Variants in RIN2 observed in about 807,000 individuals in gnomAD.
RIN2 encodes RAB5 interacting protein 2.
RIN2 carries 36 observed loss-of-function variants against 78.0 expected under a neutral mutation model. The observed-to-expected ratio is 0.46, with a 90% CI of 0.35 to 0.61. RIN2 has a LOEUF of 0.61. RIN2 is among the 20% of genes least tolerant of loss of function. The pLI is 0.00. For missense variants in RIN2, 1,087 were observed against 1,159.7 expected (o/e 0.94, Z 0.91); for synonymous variants, 466 against 466.8 (o/e 1.00, Z 0.02).
chr20:19,905,702 C>T (rs1484258203), intron 3 of RIN2, among the ~76,000 whole-genome samples: 5 of 152,176 alleles, frequency 3.3e-5, no homozygotes, highest in African/African-American at 1.2e-4. Context: ...CACTGCACTC[C>T]AGCCTGGACA....
intron 2 of RIN2, among the ~76,000 whole-genome samples, chr20:19,887,820 C>T (rs557384846): frequency 1.3e-5 from 2 of 152,194 alleles, no homozygotes; most frequent in Admixed American, 6.5e-5. Flanking sequence ...AATCCCCTGC[C>T]GAAGAAATGT....
chr20:19,974,966 C>T lies in RIN2; in HGVS notation c.941C>T (p.Pro314Leu). The T allele has an allele frequency of 6.2e-7, 1 of 1,613,232 alleles. No individual in the cohort carries two copies. The highest frequency in any genetic ancestry group is 8.5e-7 in the Non-Finnish European group (1 of 1,179,686). The change falls in exon 9 of 13, where the codon CCC becomes CTC. Residue 314 changes from proline (P) to leucine (L), a missense_variant. This residue lies in a region of RIN2 where 706 missense variants were observed against 667.5 expected (regional missense o/e 1.06). Coordinates refer to ENST00000255006, the MANE Select transcript of RIN2 (RefSeq NM_018993.4). ...TRSPPPRPPP[P>L]AINSLHTSPR... ...TCCCCCCCACCCAGGCCCCCGCCAC[C>T]CGCTATTAATAGTCTCCACACAAGC...
intron 1 of RIN2, among the ~76,000 whole-genome samples, chr20:19,796,629 T>A (rs1407222558): frequency 1.3e-5 from 2 of 152,204 alleles, no homozygotes; most frequent in Non-Finnish European, 2.9e-5. Context: ...GTCAATAGAT[T>A]CCTGTTCTCG....
At chr20:19,844,620 T>G (rs1363257942) in intron 2 of RIN2, among the ~76,000 whole-genome samples, 8 of 94,430 alleles carry the variant, frequency 8.5e-5, no homozygotes, top group African/African-American at 3.6e-4. Context: ...TTCTTCTTCT[T>G]CTTCTTCTTC....
intron 3 of RIN2, among the ~76,000 whole-genome samples, chr20:19,908,704 A>T (rs1250755323): frequency 1.3e-5 from 2 of 152,230 alleles, no homozygotes; most frequent in Admixed American, 6.5e-5. Flanking sequence ...AATCAAATTG[A>T]AGAGTCAGAA....
At chr20:19,965,067 T>A in intron 7 of RIN2, 43 bp downstream of exon 7, 1 of 1,502,214 alleles carries the variant, frequency 6.7e-7, no homozygotes, top group South Asian at 1.1e-5. Context: ...CCCTGTTTGG[T>A]GTGTGGGATA....
At chr20:19,929,455 G>A (rs539434134) in intron 3 of RIN2, among the ~76,000 whole-genome samples, 12 of 152,122 alleles carry the variant, frequency 7.9e-5, no homozygotes, top group Admixed American at 5.9e-4. Flanking sequence ...TCTGCCTCCC[G>A]GGTTCAAGCG....
intron 4 of RIN2, among the ~76,000 whole-genome samples, chr20:19,945,182 G>A (rs2041038102): frequency 2.6e-5 from 4 of 152,238 alleles, no homozygotes; most frequent in African/African-American, 9.6e-5. Flanking sequence ...AAGGGGCAGT[G>A]CTGAGGCTCT....
chr20:19,914,661 C>A (rs1362983820), intron 3 of RIN2, among the ~76,000 whole-genome samples: 1 of 152,182 alleles, frequency 6.6e-6, no homozygotes, highest in Non-Finnish European at 1.5e-5. Flanking sequence ...GGCTCTCACA[C>A]TCCAGTGGAA....
rs1157538436 is a variant in RIN2 at position 19,975,445 on chromosome 20, G to A, written c.1420G>A (p.Ala474Thr). The change falls in exon 9 of 13, where the codon GCG becomes ACG. Residue 474 changes from alanine (A) to threonine (T), a missense_variant. Around this residue, in one of 8 missense-constraint regions of RIN2, gnomAD observed 706 missense variants for 667.5 expected, o/e 1.06. Transcript: ENST00000255006. This position sits in a 1 kb window ranked among gnomAD's most constrained non-coding sequence, Gnocchi z 4.9. Reference protein sequence around the residue: ...YEGESDQETMAPPIKSKKKRS... With the variant: ...YEGESDQETMTPPIKSKKKRS... ...GGGGGAAAGTGACCAAGAGACCATG[G>A]CGCCCCCCATCAAGTCCAAAAAGAA... 6.2e-7 allele frequency: 1 copy of A among 1,614,052 alleles called. No individual in the cohort carries two copies. Among genetic ancestry groups the A allele is most frequent in the Non-Finnish European group, 8.5e-7 (1 of 1,179,892 alleles).
chr20:19,762,425 T>C (rs2033677110), intron 1 of RIN2, among the ~76,000 whole-genome samples: 1 of 152,238 alleles, frequency 6.6e-6, no homozygotes, highest in Non-Finnish European at 1.5e-5. Flanking sequence ...AACATTCATC[T>C]GCAGACATTT....
chr20:19,915,795 G>A (rs991266339), intron 3 of RIN2, among the ~76,000 whole-genome samples: 9 of 152,124 alleles, frequency 5.9e-5, no homozygotes, highest in African/African-American at 1.7e-4. Flanking sequence ...GTGCTCAGAG[G>A]ACACTGACAA....
At chr20:19,845,574 ATTT>A (rs58960543) in intron 2 of RIN2, among the ~76,000 whole-genome samples, 1 of 138,770 alleles carries the variant, frequency 7.2e-6, no homozygotes. Context: ...CTACTTTTTG[ATTT>A]TTTTTTTTTT....
intron 3 of RIN2, among the ~76,000 whole-genome samples, chr20:19,934,084 A>G (rs1461673991): frequency 6.6e-6 from 1 of 152,202 alleles, no homozygotes; most frequent in Non-Finnish European, 1.5e-5. Flanking sequence ...TGCTGGGATT[A>G]CAGGCAAGAG....
At chr20:19,821,441 A>T (rs1469013751) in intron 2 of RIN2, among the ~76,000 whole-genome samples, 5 of 151,698 alleles carry the variant, frequency 3.3e-5, no homozygotes, top group Non-Finnish European at 5.9e-5. Flanking sequence ...CCACAATGTC[A>T]CTCTCCTACT....
intron 12 of RIN2, among the ~76,000 whole-genome samples, chr20:19,999,195 G>A (rs188619670): frequency 6.6e-6 from 1 of 152,256 alleles, no homozygotes; most frequent in Admixed American, 6.5e-5. Context: ...CGTCCTAGCT[G>A]TGTGGCTTTG....
chr20:19,850,997 GGA>G (rs2036942624), intron 2 of RIN2, among the ~76,000 whole-genome samples: 2 of 17,286 alleles, frequency 1.2e-4, no homozygotes, highest in Non-Finnish European at 2.9e-4. Context: ...AGAAAAGGAA[GGA>G]AGGAAGGAAG....
At chr20:19,818,756 A>G (rs1239286077) in intron 2 of RIN2, among the ~76,000 whole-genome samples, 6 of 150,270 alleles carry the variant, frequency 4.0e-5, no homozygotes, top group East Asian at 1.9e-4. Flanking sequence ...AAGAAAGAGA[A>G]AAAAAAAAAG....
chr20:19,817,367 C>T lies in RIN2; in HGVS notation c.-37+17620C>T, dbSNP rs1477531926. 5.9e-5 allele frequency among the ~76,000 whole-genome samples: 9 copies of T among 152,260 alleles called. No individual in the cohort carries two copies. The East Asian group carries it at 7.7e-4, about 13-fold the overall frequency. ...TCTAGCTGTGTCCTCACTTGGCAGA[C>T]GGGGCAAACAAGCTCACTCAGGCCT... On this transcript the variant is annotated intron_variant, in intron 2 of 12. Coordinates refer to ENST00000255006, the MANE Select transcript of RIN2 (RefSeq NM_018993.4).
Sources: allele counts gnomAD v4.1 joint callset (sites outside exome capture counted in the v4.1 genomes callset), GRCh38; gene constraint gnomAD v4.1.1; regional missense constraint gnomAD v4.1.1; non-coding constraint Gnocchi (gnomAD v3.1); transcripts MANE v1.5; gene names NCBI Gene and HGNC (gene_info 2026-07-23, HGNC 2026-07-21).